PEAK1: variants seen among roughly 807,000 people sequenced by gnomAD.
PEAK1 encodes the protein pseudopodium enriched atypical kinase 1.
In PEAK1, 54 loss-of-function variants were observed where a neutral mutation model predicts 124.7. The ratio of observed to expected loss-of-function variants is 0.43; its 90% CI spans 0.35 to 0.54. The LOEUF is 0.54. Among genes scored for constraint, PEAK1 ranks in the 20% least tolerant of loss-of-function variants. PEAK1 has a pLI of 0.01. For missense variants in PEAK1, 2,046 were observed against 2,134.5 expected (o/e 0.96, Z 0.82); for synonymous variants, 719 against 760.0 (o/e 0.95, Z 0.89).
chr15:77,158,657 C>G lies in PEAK1; in HGVS notation c.3177G>C (p.Arg1059=). ...THEVTEDFSP[R]DPRTVVGKQD... ...GCTTCCCAACAACAGTTCTTGGATC[C>G]CGAGGAGAAAAATCCTCTGTTACTT... Residue 1059 remains arginine (R), a synonymous_variant, in exon 8 of 10, where the codon CGG becomes CGC. Coordinates refer to ENST00000682557, the MANE Select transcript of PEAK1 (RefSeq NM_001385026.1). 1 of 1,614,066 alleles carries G rather than the reference C, an allele frequency of 6.2e-7. No homozygotes were observed. The highest frequency in any genetic ancestry group is 1.1e-5 in the South Asian group (1 of 91,078).
chr15:77,369,440 C>G (rs778572419), intron 1 of PEAK1, among the ~76,000 whole-genome samples: 10 of 152,094 alleles, frequency 6.6e-5, no homozygotes, highest in Non-Finnish European at 1.2e-4. Flanking sequence ...TTTCTAAATT[C>G]TAGAAACCAT....
At position 77,332,281 on chromosome 15, in the gene PEAK1, G is replaced by GTTTA. The variant is rs2065935358; in HGVS notation, c.-603+32881_-603+32882insTAAA. 3 of 984,646 alleles carry GTTTA rather than the reference G, an allele frequency of 3.0e-6. No individual in the cohort carries two copies. The African/African-American group carries it at 5.3e-5, about 17-fold the overall frequency. 61.0% of individuals were successfully genotyped at this position (984,646 alleles called of 1,614,324 possible). ...CCCCTGAAACTAAACAGGAATACCT[G>GTTTA]GTCACCATATATTTTTTGTTTGTTG... On this transcript the variant is annotated intron_variant, in intron 2 of 9. Transcript: ENST00000682557.
In PEAK1 at chr15:77,165,287, C is replaced by T. The variant is rs527820631; in HGVS notation, c.3138-6591G>A. ...TCAGCTCACTGCAACCTCTGCCTCC[C>T]GGGTTCAAGCGATTCGTCTGCCTCA... On this transcript the variant is annotated intron_variant, in intron 7 of 9. Coordinates refer to ENST00000682557, the MANE Select transcript of PEAK1 (RefSeq NM_001385026.1). Among the ~76,000 whole-genome samples the T allele has an allele frequency of 2.4e-4, 37 of 152,078 alleles. No individual in the cohort carries two copies. In the East Asian group the frequency reaches 6.9e-3, roughly 29 times the overall value.
intron 1 of PEAK1, among the ~76,000 whole-genome samples, chr15:77,372,286 G>T (rs1271313976): frequency 6.6e-6 from 1 of 152,106 alleles, no homozygotes; most frequent in Non-Finnish European, 1.5e-5. Flanking sequence ...TGACAATCTG[G>T]ATACAAAAGC....
At chr15:77,124,702 C>G (rs749711254) in intron 9 of PEAK1, among the ~76,000 whole-genome samples, 1 of 152,186 alleles carries the variant, frequency 6.6e-6, no homozygotes, top group Non-Finnish European at 1.5e-5. Context: ...CATCCAAAAT[C>G]TTATGTTATT....
rs1422809028 is a variant in PEAK1 at position 77,198,341 on chromosome 15, T to C, written c.-114-16301A>G. Among the ~76,000 whole-genome samples the C allele has an allele frequency of 3.3e-5, 5 of 152,338 alleles. No individual in the cohort carries two copies. The East Asian group carries it at 9.6e-4, about 29-fold the overall frequency. On this transcript the variant is annotated intron_variant, in intron 6 of 9. Coordinates refer to ENST00000682557, the MANE Select transcript of PEAK1 (RefSeq NM_001385026.1). ...CATATCATGTTTATTTTTAGTGCAA[T>C]GCTGTAAACCTTAAATAACACATAG... is the stretch of plus-strand genomic sequence containing the variant.
At chr15:77,254,133 T>C (rs1026569152) in intron 5 of PEAK1, among the ~76,000 whole-genome samples, 11 of 152,328 alleles carry the variant, frequency 7.2e-5, no homozygotes, top group South Asian at 2.1e-4. Flanking sequence ...CTTTGGACTT[T>C]AGTAGTGCGA....
Position 77,239,664 on chromosome 15 carries a change from A to T in PEAK1, c.-115+12703T>A, listed in dbSNP as rs139340733. On this transcript the variant is annotated intron_variant, in intron 6 of 9. Transcript: ENST00000682557. ...AATAGGATGTCCCTTCATACGTCAA[A>T]ATCTTACAATGACTAAAATTTAATT... 3.6e-3 allele frequency: 745 copies of T among 206,060 alleles called. 4 individuals carry two copies. The highest frequency in any genetic ancestry group is 0.016 in the African/African-American group (690 of 42,502). The allele number at this position is 206,060 out of a possible 1,614,324, so 12.8% of individuals were successfully genotyped here.
At position 77,181,629 on chromosome 15, in the gene PEAK1, C is replaced by T; in HGVS notation, c.298G>A (p.Val100Ile). 6.2e-7 allele frequency: 1 copy of T among 1,614,116 alleles called. No homozygotes were observed. The highest frequency in any genetic ancestry group is 8.5e-7 in the Non-Finnish European group (1 of 1,180,014). Reference sequence around the variant, plus strand: ...CTGTTTCGGTTCCACCCTATGATGACAGGTTTGTTCTCACAGTGTTCTTGG... The same window carrying T: ...CTGTTTCGGTTCCACCCTATGATGATAGGTTTGTTCTCACAGTGTTCTTGG... ...SIQEHCENKP[V>I]IIGWNRNRAA... is the part of the protein sequence containing the mutation. Residue 100 changes from valine to isoleucine, a missense_variant, in exon 7 of 10, where the codon GTC becomes ATC. Transcript: ENST00000682557.
chr15:77,297,467 C>T (rs1414824746), intron 2 of PEAK1, among the ~76,000 whole-genome samples: 2 of 151,674 alleles, frequency 1.3e-5, no homozygotes, highest in Non-Finnish European at 2.9e-5. Context: ...ATTCAATCAC[C>T]TCATCAATAG....
intron 9 of PEAK1, among the ~76,000 whole-genome samples, chr15:77,126,919 A>G (rs943156752): frequency 2.0e-5 from 3 of 152,266 alleles, no homozygotes; most frequent in Non-Finnish European, 4.4e-5. Context: ...CACTTACTTT[A>G]TAACAAAGAC....
At position 77,377,631 on chromosome 15, in the gene PEAK1, G is replaced by A. The variant is rs147973552; in HGVS notation, c.-665-12406C>T. ...ACTACAGGTGTGCACCATCACATCC[G>A]GCTAATTTTTGTATTTTTAGTAGAG... On this transcript the variant is annotated intron_variant, in intron 1 of 9. Transcript: ENST00000682557. Among the ~76,000 whole-genome samples the A allele has an allele frequency of 4.5e-3, 688 of 151,914 alleles. 3 individuals carry two copies. Among genetic ancestry groups the A allele is most frequent in the African/African-American group, 0.014 (587 of 41,428 alleles).
chr15:77,101,683 G>A (rs62007252), exon 7 of PEAK1: 11,446 of 152,238 alleles, frequency 0.075, 535 homozygotes, highest in Non-Finnish European at 0.1. Flanking sequence ...AATAGCTGAA[G>A]GACCCTGGGG....
chr15:77,310,795 G>A (rs775158003), intron 2 of PEAK1, among the ~76,000 whole-genome samples: 27 of 152,204 alleles, frequency 1.8e-4, no homozygotes, highest in Admixed American at 6.5e-4. Flanking sequence ...GTTGAGATCT[G>A]AAGGATGAAA....
intron 8 of PEAK1, among the ~76,000 whole-genome samples, chr15:77,138,025 C>T (rs898746748): frequency 6.6e-6 from 1 of 152,194 alleles, no homozygotes; most frequent in Non-Finnish European, 1.5e-5. Flanking sequence ...CATAAGCTCT[C>T]TCTTTGCCTG....
intron 8 of PEAK1, among the ~76,000 whole-genome samples, chr15:77,147,318 G>C (rs952131637): frequency 6.6e-6 from 1 of 152,210 alleles, no homozygotes; most frequent in Non-Finnish European, 1.5e-5. Flanking sequence ...AGTACCTACT[G>C]TGTGTTTTAG....
At chr15:77,381,112 T>C in intron 1 of PEAK1, 2 of 684,020 alleles carry the variant, frequency 2.9e-6, no homozygotes, top group Non-Finnish European at 3.6e-6. Flanking sequence ...AACAGCAAAA[T>C]GCTACTATGG....
chr15:77,137,546 C>T (rs573327475), intron 8 of PEAK1, among the ~76,000 whole-genome samples: 6 of 152,192 alleles, frequency 3.9e-5, no homozygotes, highest in Admixed American at 1.3e-4. Flanking sequence ...TTGACTGCCC[C>T]GCTGGATTTC....
intron 6 of PEAK1, among the ~76,000 whole-genome samples, chr15:77,236,551 T>C (rs901195911): frequency 6.6e-6 from 1 of 152,102 alleles, no homozygotes; most frequent in Admixed American, 6.5e-5. Flanking sequence ...GGCTCATAGG[T>C]GGATGGAACT....
Sources: allele counts gnomAD v4.1 joint callset (sites outside exome capture counted in the v4.1 genomes callset), GRCh38; gene constraint gnomAD v4.1.1; transcripts MANE v1.5; gene names NCBI Gene and HGNC (gene_info 2026-07-23, HGNC 2026-07-21).